ADAM7: variants seen among roughly 807,000 people sequenced by gnomAD.
ADAM7 encodes the protein ADAM metallopeptidase domain 7.
Under a neutral mutation model 102.9 loss-of-function variants are expected in ADAM7, and 97 were observed. That is an observed-to-expected ratio of 0.94 (90% CI 0.80 to 1.12). The LOEUF (loss-of-function observed/expected upper bound fraction) is 1.12. Ranked by LOEUF, ADAM7 falls within the 50% of genes most tolerant of loss-of-function variation. The probability of loss-of-function intolerance (pLI) is 0.00; values close to 1 mark genes in which losing one functional copy is unlikely to be tolerated. For synonymous variants in ADAM7, 334 were observed against 304.4 expected, an observed-to-expected ratio of 1.10 and a Z score of -1.01; for missense variants, 991 against 908.7, an observed-to-expected ratio of 1.09 and a Z score of -1.16.
In ADAM7 at chr8:24,508,770, G is replaced by A; in HGVS notation, c.*224G>A. The A allele has an allele frequency of 7.4e-7, 1 of 1,350,720 alleles. No homozygotes were observed. The highest frequency in any genetic ancestry group is 9.5e-7 in the Non-Finnish European group (1 of 1,050,310). 83.7% of individuals were successfully genotyped at this position (1,350,720 alleles called of 1,614,324 possible). ...TAAACATATGCTGCAGAAAAAAAAT[G>A]TCTTGTGGTCTTTCAAATGCTCTTT... On this transcript the variant is annotated 3_prime_UTR_variant, in exon 22 of 22. Coordinates refer to ENST00000175238, the MANE Select transcript of ADAM7 (RefSeq NM_003817.4).
intron 3 of ADAM7, among the ~76,000 whole-genome samples, chr8:24,461,419 C>T (rs1260171687): frequency 2.0e-5 from 3 of 152,116 alleles, no homozygotes; most frequent in Non-Finnish European, 4.4e-5. Flanking sequence ...TGTTGTCTTT[C>T]TCTTGCTGGT....
At chr8:24,492,259 A>G (rs983966056) in intron 14 of ADAM7, 161 bp downstream of exon 14, 1 of 753,704 alleles carries the variant, frequency 1.3e-6, no homozygotes, top group Non-Finnish European at 2.1e-6. Context: ...ATATTAGTTG[A>G]TCTTACGTCT....
rs1302190611 is a variant in ADAM7, at chr8:24,509,416, G to T, written c.*870G>T. 3.0e-6 allele frequency: 3 copies of T among 985,240 alleles called. No individual in the cohort carries two copies. The highest frequency in any genetic ancestry group is 3.5e-5 in the African/African-American group (2 of 57,214). The allele number at this position is 985,240 out of a possible 1,614,324, so 61.0% of individuals were successfully genotyped here. On this transcript the variant is annotated 3_prime_UTR_variant, in exon 22 of 22. Coordinates refer to ENST00000175238, the MANE Select transcript of ADAM7 (RefSeq NM_003817.4). The stretch of plus-strand genomic sequence containing the variant: ...GCTTCTTACACAGATGCCTCTCAAG[G>T]TGTTCTTTTGTGTCCTCTATTTTCT...
At chr8:24,501,932 C>T (rs1287597272) in intron 20 of ADAM7, among the ~76,000 whole-genome samples, 1 of 152,102 alleles carries the variant, frequency 6.6e-6, no homozygotes, top group Non-Finnish European at 1.5e-5. Flanking sequence ...TGGCTCACGT[C>T]TGTAATCCTC....
intron 11 of ADAM7, 126 bp from the exon 12 acceptor site, chr8:24,489,033 A>G (rs1820243930): frequency 2.5e-6 from 2 of 794,698 alleles, no homozygotes; most frequent in Non-Finnish European, 3.7e-6. Flanking sequence ...GGACCCAGTT[A>G]CTTCCCTGCT....
intron 12 of ADAM7, 90 bp downstream of exon 12, chr8:24,489,423 G>A (rs1012623968): frequency 1.3e-4 from 165 of 1,240,660 alleles, no homozygotes; most frequent in Admixed American, 2.1e-4. Context: ...AACCAACCGT[G>A]GTGTTCCTTG....
chr8:24,450,978 C>A (rs1438799873), intron 3 of ADAM7, among the ~76,000 whole-genome samples: 1 of 152,078 alleles, frequency 6.6e-6, no homozygotes, highest in Non-Finnish European at 1.5e-5. Context: ...ATTGAACCAG[C>A]CTTGCATCCC....
In ADAM7 at chr8:24,445,175, G is replaced by C. The variant is rs916716952; in HGVS notation, c.157-2011G>C. Among the ~76,000 whole-genome samples the C allele has an allele frequency of 2.4e-4, 37 of 151,898 alleles. 1 individual carries two copies. The East Asian group carries it at 6.8e-3, about 28-fold the overall frequency. On this transcript the variant is annotated intron_variant, in intron 2 of 21. Coordinates refer to ENST00000175238, the MANE Select transcript of ADAM7 (RefSeq NM_003817.4). Reference sequence around the variant, plus strand: ...ATACATGCATGTACACATACATGCAGACACACACACATACACACCTCTACA... The same window carrying C: ...ATACATGCATGTACACATACATGCACACACACACACATACACACCTCTACA...
chr8:24,466,938 A>G lies in ADAM7; in HGVS notation c.529A>G (p.Arg177Gly). 1 of 1,614,096 alleles carries G rather than the reference A, an allele frequency of 6.2e-7. No homozygotes were observed. Among genetic ancestry groups the G allele is most frequent in the Non-Finnish European group, 8.5e-7 (1 of 1,179,974 alleles). The change falls in exon 6 of 22, where the codon AGA becomes GGA. Residue 177 changes from arginine (R) to glycine (G), a missense_variant. By Grantham distance (125) the Arg-to-Gly change is moderately radical. Transcript: ENST00000175238. Reference protein sequence around the residue: ...NYSCTELNFTRKTVPGDNESE... With the variant: ...NYSCTELNFTGKTVPGDNESE... ...TTCCTGTACAGAGCTTAATTTTACC[A>G]GAAAAACTGTTCCAGGGGATAATGA...
At chr8:24,471,752 T>C (rs759701724) in intron 7 of ADAM7, among the ~76,000 whole-genome samples, 11 of 151,908 alleles carry the variant, frequency 7.2e-5, no homozygotes, top group Admixed American at 4.6e-4. Context: ...CTATATTACA[T>C]ATATACATAC....
intron 9 of ADAM7, among the ~76,000 whole-genome samples, chr8:24,483,270 G>A (rs1436103312): frequency 6.6e-6 from 1 of 152,138 alleles, no homozygotes; most frequent in Non-Finnish European, 1.5e-5. Flanking sequence ...GGAACTGAAT[G>A]TAATACAACC....
In ADAM7 at chr8:24,506,169, C is replaced by T. The variant is rs746314235; in HGVS notation, c.2209-1311C>T. 63 of 1,541,856 alleles carry T rather than the reference C, an allele frequency of 4.1e-5. 1 individual carries two copies. The South Asian group carries it at 7.1e-4, about 17-fold the overall frequency. On this transcript the variant is annotated intron_variant, in intron 20 of 21. Coordinates refer to ENST00000175238, the MANE Select transcript of ADAM7 (RefSeq NM_003817.4). The stretch of plus-strand genomic sequence containing the variant: ...CTACATCACACTGGTACGTTCCCCT[C>T]CCCTTCCTCTTGGTGGTGGGCTATG...
At chr8:24,441,342 AACATTCTG>A (rs2129370461) in intron 1 of ADAM7, among the ~76,000 whole-genome samples, 182 bp downstream of exon 1, 1 of 152,320 alleles carries the variant, frequency 6.6e-6, no homozygotes, top group East Asian at 1.9e-4. Context: ...ATCACTCTTG[AACATTCTG>A]ACCCACAGTG....
intron 3 of ADAM7, among the ~76,000 whole-genome samples, chr8:24,451,282 G>A (rs186604361): frequency 0.015 from 2,290 of 152,132 alleles, 61 homozygotes; most frequent in African/African-American, 0.052. Flanking sequence ...TCTGGTCCTC[G>A]ACTCTTTTTG....
chr8:24,452,043 A>G (rs1432632742), intron 3 of ADAM7, among the ~76,000 whole-genome samples: 2 of 152,062 alleles, frequency 1.3e-5, no homozygotes, highest in African/African-American at 4.8e-5. Flanking sequence ...GTTCTTTTAC[A>G]TTTGCTGAGG....
At chr8:24,442,161 G>A (rs1452223212) in intron 1 of ADAM7, among the ~76,000 whole-genome samples, 1 of 151,916 alleles carries the variant, frequency 6.6e-6, no homozygotes, top group African/African-American at 2.4e-5. Context: ...CTGACAGAGC[G>A]AGACTCTGTC....
chr8:24,491,870 C>G (rs756722291), intron 13 of ADAM7, 33 bp from the exon 14 acceptor site: 3 of 1,525,430 alleles, frequency 2.0e-6, no homozygotes, highest in South Asian at 2.6e-5. Flanking sequence ...CTAAATGTAT[C>G]CAGGATTTAG....
At chr8:24,460,787 C>A (rs1419007779) in intron 3 of ADAM7, among the ~76,000 whole-genome samples, 1 of 150,426 alleles carries the variant, frequency 6.6e-6, no homozygotes, top group Non-Finnish European at 1.5e-5. Flanking sequence ...ATATATATAT[C>A]CCATGATGCA....
chr8:24,498,198 AAT>A (rs1213230050), intron 16 of ADAM7, among the ~76,000 whole-genome samples: 2 of 151,854 alleles, frequency 1.3e-5, no homozygotes, highest in African/African-American at 4.8e-5. Context: ...TATTAATTAT[AAT>A]ATTTTTATTA....
Sources: allele counts gnomAD v4.1 joint callset (sites outside exome capture counted in the v4.1 genomes callset), GRCh38; gene constraint gnomAD v4.1.1; transcripts MANE v1.5; gene names NCBI Gene and HGNC (gene_info 2026-07-23, HGNC 2026-07-21).